Variants in SMARCA2 observed in about 807,000 individuals in gnomAD.
The protein encoded by SMARCA2 is SWI/SNF-related matrix-associated actin-dependent regulator of chromatin subfamily A member 2.
A neutral mutation model predicts 199.8 loss-of-function variants in SMARCA2; 61 were observed. The observed-to-expected ratio is 0.31, with a 90% CI of 0.25 to 0.38. The LOEUF (loss-of-function observed/expected upper bound fraction) is 0.38, where lower values mean the gene tolerates loss of function less well. Ranked by LOEUF, SMARCA2 falls within the 10% of genes least tolerant of loss-of-function variation. SMARCA2 has a pLI of 1.00. For missense variants in SMARCA2, 1,344 were observed against 2,012.2 expected, an observed-to-expected ratio of 0.67 and a Z score of 6.35; for synonymous variants, 935 against 732.0, an observed-to-expected ratio of 1.28 and a Z score of -4.48.
chr9:2,069,859 T>C (rs1821014559), intron 9 of SMARCA2, among the ~76,000 whole-genome samples: 1 of 152,220 alleles, frequency 6.6e-6, no homozygotes, highest in Non-Finnish European at 1.5e-5. Context: ...ATGCTGAGGT[T>C]TGTGTTACAG....
intron 29 of SMARCA2, among the ~76,000 whole-genome samples, chr9:2,177,885 C>T (rs1342881428): frequency 6.6e-6 from 1 of 152,126 alleles, no homozygotes; most frequent in Non-Finnish European, 1.5e-5. Context: ...TATCAGCCTT[C>T]AGCATGTCTC....
chr9:2,042,315 GGTA>G (rs1437658067), intron 4 of SMARCA2: 3 of 152,150 alleles, frequency 2.0e-5, no homozygotes, highest in Non-Finnish European at 4.4e-5. Flanking sequence ...ACTCCCAAAA[GGTA>G]GTAGTCTGGG....
At chr9:2,090,454 C>T (rs938924909) in intron 19 of SMARCA2, among the ~76,000 whole-genome samples, 1 of 152,152 alleles carries the variant, frequency 6.6e-6, no homozygotes, top group African/African-American at 2.4e-5. Context: ...CCACATTCTC[C>T]ATCTCTTACT....
intron 29 of SMARCA2, among the ~76,000 whole-genome samples, chr9:2,174,567 T>C (rs1419500286): frequency 6.6e-6 from 1 of 152,168 alleles, no homozygotes; most frequent in African/African-American, 2.4e-5. Flanking sequence ...AGAAGCTTTG[T>C]GCTTTTTAAT....
intron 27 of SMARCA2, among the ~76,000 whole-genome samples, chr9:2,143,443 C>T (rs1383157167): frequency 6.6e-6 from 1 of 152,110 alleles, no homozygotes; most frequent in Non-Finnish European, 1.5e-5. Context: ...TCTGTTTAAG[C>T]AGAGAGAAGA....
rs759832527 is a variant in SMARCA2, at chr9:2,161,868, C to T, written c.4164C>T (p.Asn1388=). 33 of 1,613,920 alleles carry T rather than the reference C, an allele frequency of 2.0e-5. No homozygotes were observed. Among genetic ancestry groups the T allele is most frequent in the South Asian group, 1.6e-4 (15 of 91,076 alleles). Residue 1388 remains asparagine, a synonymous_variant, in exon 28 of 34, where the codon AAC becomes AAT. Transcript: ENST00000349721. The surrounding 1 kb of genome is among the most constrained non-coding windows in gnomAD (Gnocchi z 4.7). ...CCCCCAAACTGACAAAGCAGATGAA[C>T]GCTATCATCGATACTGTGATAAACT... ...PNPPKLTKQM[N]AIIDTVINYK... is the part of the protein sequence containing the mutation.
rs149608481 is a variant in SMARCA2 at position 2,100,730 on chromosome 9, G to A, written c.3079-840G>A. 1.5e-3 allele frequency among the ~76,000 whole-genome samples: 233 copies of A among 151,364 alleles called. 1 individual carries two copies. Among genetic ancestry groups the A allele is most frequent in the African/African-American group, 4.8e-3 (198 of 41,294 alleles). Reference sequence around the variant, plus strand: ...AAAAAAAAAAAGAAAAGATTTCACCGAACTAAGAATTATAATATATTATAT... The same window carrying A: ...AAAAAAAAAAAGAAAAGATTTCACCAAACTAAGAATTATAATATATTATAT... On this transcript the variant is annotated intron_variant, in intron 21 of 33. Transcript: ENST00000349721.
intron 29 of SMARCA2, among the ~76,000 whole-genome samples, chr9:2,174,165 C>T (rs1826407592): frequency 2.0e-5 from 3 of 152,082 alleles, no homozygotes; most frequent in Non-Finnish European, 2.9e-5. Flanking sequence ...GCCCCTCTTT[C>T]GAGGGTCTCT....
In SMARCA2 at chr9:2,161,579, C is replaced by T; in HGVS notation, c.3982-107C>T. ...ACTTTTACTTTTTTTTGGTTAATTT[C>T]TTTCATTTTATTCTAATTGTTGGAG... On this transcript the variant is annotated intron_variant, in intron 27 of 33. Coordinates refer to ENST00000349721, the MANE Select transcript of SMARCA2 (RefSeq NM_003070.5). This position sits in a 1 kb window ranked among gnomAD's most constrained non-coding sequence, Gnocchi z 4.7. The T allele has an allele frequency of 1.3e-5, 10 of 754,850 alleles. No individual in the cohort carries two copies. Among genetic ancestry groups the T allele is most frequent in the African/African-American group, 3.6e-5 (2 of 56,312 alleles). The allele number at this position is 754,850 out of a possible 1,614,324, so 46.8% of individuals were successfully genotyped here. A position where few individuals can be genotyped will look rare whatever the true frequency, so the allele number is the denominator to read the frequency against.
At chr9:2,061,473 G>A (rs1452326483) in intron 9 of SMARCA2, among the ~76,000 whole-genome samples, 2 of 152,178 alleles carry the variant, frequency 1.3e-5, no homozygotes, top group Non-Finnish European at 2.9e-5. Flanking sequence ...GTCGCAGTGA[G>A]GTGAGTGTGC....
chr9:2,151,278 A>G lies in SMARCA2; in HGVS notation c.3982-10408A>G, dbSNP rs539708798. 1.3e-5 allele frequency among the ~76,000 whole-genome samples: 2 copies of G among 151,614 alleles called. 1 individual carries two copies. The highest frequency in any genetic ancestry group is 3.0e-5 in the Non-Finnish European group (2 of 67,754). ...CAGTGAAAACATGACATTTAAAAAA[A>G]TAGTTCATCAGGAGAGGGAATTGGC... On this transcript the variant is annotated intron_variant, in intron 27 of 33. Coordinates refer to ENST00000349721, the MANE Select transcript of SMARCA2 (RefSeq NM_003070.5).
chr9:2,154,987 T>A (rs776719565), intron 27 of SMARCA2, among the ~76,000 whole-genome samples: 2 of 152,200 alleles, frequency 1.3e-5, no homozygotes, highest in Non-Finnish European at 2.9e-5. Flanking sequence ...TTTCTTGCAG[T>A]TCTCCATTGT....
intron 1 of SMARCA2, among the ~76,000 whole-genome samples, chr9:2,025,214 A>G (rs932497635): frequency 8.5e-5 from 13 of 152,106 alleles, no homozygotes; most frequent in Admixed American, 7.9e-4. Context: ...TAAGGACGAA[A>G]TCAAGACAGA....
chr9:2,152,982 AC>A (rs1197224257), intron 27 of SMARCA2, among the ~76,000 whole-genome samples: 2 of 152,180 alleles, frequency 1.3e-5, no homozygotes, highest in Non-Finnish European at 2.9e-5. Flanking sequence ...AGGTGAACTT[AC>A]CCACATAAAT....
At chr9:2,051,576 GGTT>G (rs1820121026) in intron 5 of SMARCA2, among the ~76,000 whole-genome samples, 1 of 152,152 alleles carries the variant, frequency 6.6e-6, no homozygotes, top group Non-Finnish European at 1.5e-5. Flanking sequence ...CTAGTTCCAT[GGTT>G]GTTTGGAAGA....
chr9:2,119,593 T>A lies in SMARCA2; in HGVS notation c.3762+58T>A. 1 of 1,198,848 alleles carries A rather than the reference T, an allele frequency of 8.3e-7. No homozygotes were observed. Among genetic ancestry groups the A allele is most frequent in the Non-Finnish European group, 1.2e-6 (1 of 807,610 alleles). 74.3% of individuals were successfully genotyped at this position (1,198,848 alleles called of 1,614,324 possible). A position where few individuals can be genotyped will look rare whatever the true frequency, so the allele number is the denominator to read the frequency against. On this transcript the variant is annotated intron_variant, in intron 26 of 33. Transcript: ENST00000349721. This position sits in a 1 kb window ranked among gnomAD's most constrained non-coding sequence, Gnocchi z 4.6. ...TTTATACCTCTGCCCCTTTTTCTGT[T>A]AAGCAGAATGTCTGCAGCCTGCGTG...
intron 29 of SMARCA2, among the ~76,000 whole-genome samples, chr9:2,180,223 C>T (rs1022520650): frequency 3.3e-5 from 5 of 151,904 alleles, no homozygotes; most frequent in African/African-American, 1.2e-4. Context: ...ACTCATGAGG[C>T]CCATATGTGC....
intron 31 of SMARCA2, among the ~76,000 whole-genome samples, chr9:2,184,562 C>G (rs1422547910): frequency 6.6e-6 from 1 of 151,618 alleles, no homozygotes; most frequent in African/African-American, 2.4e-5. Context: ...ACCATGTTGG[C>G]CGGGCTGGTC....
Position 2,123,634 on chromosome 9 carries a change from T to C in SMARCA2, c.3763-85T>C, listed in dbSNP as rs1823560256. On this transcript the variant is annotated intron_variant, in intron 26 of 33. Coordinates refer to ENST00000349721, the MANE Select transcript of SMARCA2 (RefSeq NM_003070.5). This position sits in a 1 kb window ranked among gnomAD's most constrained non-coding sequence, Gnocchi z 4.1. Reference sequence around the variant, plus strand: ...AAAGGGACCCTGCAGCCATAGGAAGTGACTTGGGGAAGTTGTGTAGTGCTG... The same window carrying C: ...AAAGGGACCCTGCAGCCATAGGAAGCGACTTGGGGAAGTTGTGTAGTGCTG... 2 of 1,178,188 alleles carry C rather than the reference T, an allele frequency of 1.7e-6. No homozygotes were observed. The highest frequency in any genetic ancestry group is 1.5e-5 in the African/African-American group (1 of 66,834). 73.0% of individuals were successfully genotyped at this position (1,178,188 alleles called of 1,614,324 possible).
Sources: allele counts gnomAD v4.1 joint callset (sites outside exome capture counted in the v4.1 genomes callset), GRCh38; gene constraint gnomAD v4.1.1; non-coding constraint Gnocchi (gnomAD v3.1); transcripts MANE v1.5; gene names NCBI Gene and HGNC (gene_info 2026-07-23, HGNC 2026-07-21).